CCDC3: variants seen among roughly 807,000 people sequenced by gnomAD.
CCDC3 encodes the protein coiled-coil domain-containing protein 3.
CCDC3 carries 24 observed loss-of-function variants against 21.4 expected under a neutral mutation model. The observed-to-expected ratio is 1.12, with a 90% CI of 0.81 to 1.58. The LOEUF (loss-of-function observed/expected upper bound fraction) is 1.58. CCDC3 is among the 40% of genes most tolerant of loss of function. The pLI, the probability that CCDC3 is intolerant of heterozygous loss-of-function variation, is 0.00. For synonymous variants in CCDC3, 186 were observed against 166.0 expected (o/e 1.12, Z -0.93); for missense variants, 425 against 360.9 (o/e 1.18, Z -1.44).
At chr10:12,929,683 C>T (rs944983336) in intron 2 of CCDC3, among the ~76,000 whole-genome samples, 3 of 152,284 alleles carry the variant, frequency 2.0e-5, no homozygotes, top group Admixed American at 2.0e-4. Context: ...CACATGGGTC[C>T]AGCAGGTCCA....
At chr10:12,903,470 T>A (rs1013812382) in intron 2 of CCDC3, among the ~76,000 whole-genome samples, 1 of 152,238 alleles carries the variant, frequency 6.6e-6, no homozygotes, top group Non-Finnish European at 1.5e-5. Flanking sequence ...CTTTGTGGTA[T>A]TTTTTGGTAA....
intron 4 of CCDC3, among the ~76,000 whole-genome samples, chr10:13,066,748 C>A (rs545519887): frequency 6.6e-6 from 1 of 152,098 alleles, no homozygotes; most frequent in Non-Finnish European, 1.5e-5. Context: ...ACTGGGGGAA[C>A]GGGGTGGAGC....
chr10:12,921,320 A>T (rs2131216571), intron 2 of CCDC3, among the ~76,000 whole-genome samples: 1 of 152,322 alleles, frequency 6.6e-6, no homozygotes, highest in East Asian at 1.9e-4. Context: ...AACTTTATAC[A>T]TCCTCTGTGC....
At chr10:13,044,559 A>C (rs1231427870) in intron 5 of CCDC3, among the ~76,000 whole-genome samples, 1 of 152,180 alleles carries the variant, frequency 6.6e-6, no homozygotes, top group South Asian at 2.1e-4. Flanking sequence ...ATTCTTCTGC[A>C]TGTGGACAGC....
chr10:13,090,673 T>C (rs1462698270), intron 3 of CCDC3, among the ~76,000 whole-genome samples: 1 of 152,168 alleles, frequency 6.6e-6, no homozygotes, highest in Non-Finnish European at 1.5e-5. Context: ...AGGGTCTAAA[T>C]GTTTGTGTCC....
chr10:12,923,034 T>C (rs1030251950), intron 2 of CCDC3, among the ~76,000 whole-genome samples: 2 of 152,190 alleles, frequency 1.3e-5, no homozygotes, highest in African/African-American at 4.8e-5. Context: ...ATCACTTATT[T>C]TTAAAAGTCA....
rs111312116 is a variant in CCDC3 at position 13,083,118 on chromosome 10, G to A, written c.-502-9018C>T. On this transcript the variant is annotated intron_variant, in intron 3 of 6. Coordinates refer to the CCDC3 transcript ENST00000378839. Reference sequence around the variant, plus strand: ...GGAGACTTAACAAGCAGTGAGTTCAGGCACTTCCAAGAGCTGACCCATCAG... The same window carrying A: ...GGAGACTTAACAAGCAGTGAGTTCAAGCACTTCCAAGAGCTGACCCATCAG... Among the ~76,000 whole-genome samples the A allele has an allele frequency of 9.4e-3, 1,426 of 152,134 alleles. 25 individuals carry two copies. The highest frequency in any genetic ancestry group is 0.032 in the African/African-American group (1,321 of 41,498).
intron 5 of CCDC3, among the ~76,000 whole-genome samples, chr10:13,021,695 G>A (rs1032570324): frequency 1.3e-5 from 2 of 152,096 alleles, no homozygotes; most frequent in African/African-American, 2.4e-5. Flanking sequence ...CAATAAGATG[G>A]ATATTGTACA....
rs140842750 is a variant in CCDC3 at position 12,917,355 on chromosome 10, G to A, written c.550-18676C>T. Reference sequence around the variant, plus strand: ...ACTACAGGTACCCGCCACCATACCCGGCTAATTTTTTTTTGTATTTTTAGT... The same window carrying A: ...ACTACAGGTACCCGCCACCATACCCAGCTAATTTTTTTTTGTATTTTTAGT... On this transcript the variant is annotated intron_variant, in intron 2 of 2. Transcript: ENST00000378825. 6.3e-3 allele frequency among the ~76,000 whole-genome samples: 950 copies of A among 151,698 alleles called. 10 individuals carry two copies. The highest frequency in any genetic ancestry group is 0.022 in the African/African-American group (904 of 41,402).
intron 5 of CCDC3, among the ~76,000 whole-genome samples, chr10:13,042,886 G>A (rs1211356363): frequency 1.4e-5 from 2 of 139,576 alleles, no homozygotes; most frequent in African/African-American, 2.7e-5. Flanking sequence ...TCCAGCCTGG[G>A]CGACAGAGGG....
chr10:13,091,836 A>T (rs1832576063), intron 3 of CCDC3, among the ~76,000 whole-genome samples: 1 of 123,044 alleles, frequency 8.1e-6, no homozygotes, highest in South Asian at 3.3e-4. Flanking sequence ...AAAAAAAAAA[A>T]AAAAATTCCT....
intron 2 of CCDC3, among the ~76,000 whole-genome samples, chr10:12,980,561 C>T (rs947890572): frequency 1.1e-4 from 17 of 152,130 alleles, no homozygotes; most frequent in Admixed American, 6.5e-5. Context: ...GGAAGAAAGG[C>T]TTAGGTAAGC....
chr10:12,960,287 C>T (rs1835161898), intron 2 of CCDC3, among the ~76,000 whole-genome samples: 1 of 152,116 alleles, frequency 6.6e-6, no homozygotes, highest in Non-Finnish European at 1.5e-5. Context: ...TATCCTGCAG[C>T]TTTACAGAAC....
chr10:13,047,587 G>C (rs562952488), intron 5 of CCDC3, among the ~76,000 whole-genome samples: 1 of 151,968 alleles, frequency 6.6e-6, no homozygotes, highest in Non-Finnish European at 1.5e-5. Context: ...CTCCCCTCCC[G>C]CCTCCTTCTT....
chr10:13,094,681 T>G (rs920963564), intron 3 of CCDC3, among the ~76,000 whole-genome samples: 6 of 151,774 alleles, frequency 4.0e-5, no homozygotes, highest in African/African-American at 1.5e-4. Context: ...CTGGGCAACA[T>G]GGTGAAACCC....
intron 5 of CCDC3, among the ~76,000 whole-genome samples, chr10:13,033,898 T>G (rs1167000472): frequency 6.6e-6 from 1 of 152,228 alleles, no homozygotes; most frequent in Non-Finnish European, 1.5e-5. Flanking sequence ...TTGGTGGGAC[T>G]GTAAACTAGT....
intron 5 of CCDC3, among the ~76,000 whole-genome samples, chr10:13,022,712 C>T (rs1836162745): frequency 6.6e-6 from 1 of 152,116 alleles, no homozygotes; most frequent in African/African-American, 2.4e-5. Flanking sequence ...TAAAAACTGA[C>T]CATTTATCAA....
chr10:12,941,148 G>C (rs7083724), intron 2 of CCDC3, among the ~76,000 whole-genome samples: 62,486 of 151,812 alleles, frequency 0.41, 13,534 homozygotes, highest in South Asian at 0.59. Flanking sequence ...GTAAACAAGC[G>C]GCTAAAACCA....
chr10:13,079,109 T>G (rs539655298), intron 3 of CCDC3, among the ~76,000 whole-genome samples: 250 of 152,344 alleles, frequency 1.6e-3, no homozygotes, highest in African/African-American at 5.5e-3. Flanking sequence ...TAAAATTACC[T>G]TGCTGAGAAA....
Sources: allele counts gnomAD v4.1 joint callset (sites outside exome capture counted in the v4.1 genomes callset), GRCh38; gene constraint gnomAD v4.1.1; transcripts MANE v1.5; gene names NCBI Gene and HGNC (gene_info 2026-07-23, HGNC 2026-07-21).